RBFOX1: variants seen among roughly 807,000 people sequenced by gnomAD.
The protein encoded by RBFOX1 is RNA binding protein fox-1 homolog 1.
Under a neutral mutation model 57.7 loss-of-function variants are expected in RBFOX1, and 8 were observed. The observed-to-expected ratio is 0.14, with a 90% CI of 0.08 to 0.25. The LOEUF (loss-of-function observed/expected upper bound fraction) is 0.25, where lower values mean the gene tolerates loss of function less well. RBFOX1 is among the 10% of genes least tolerant of loss of function. RBFOX1 has a pLI of 1.00. For synonymous variants in RBFOX1, 326 were observed against 222.4 expected (o/e 1.47, Z -4.15); for missense variants, 611 against 548.5 (o/e 1.11, Z -1.14).
intron 2 of RBFOX1, among the ~76,000 whole-genome samples, chr16:6,457,847 T>A (rs1330306912): frequency 2.6e-5 from 4 of 152,130 alleles, no homozygotes; most frequent in Non-Finnish European, 5.9e-5. Context: ...CGCCTTGGAA[T>A]AAAAAGTGGC....
At chr16:6,770,928 T>C (rs1405262697) in intron 3 of RBFOX1, among the ~76,000 whole-genome samples, 1 of 152,138 alleles carries the variant, frequency 6.6e-6, no homozygotes, top group East Asian at 1.9e-4. Context: ...TTACCTCTTA[T>C]TTGGAGGCCG....
At chr16:6,483,060 G>A (rs935402224) in intron 2 of RBFOX1, 8 of 879,626 alleles carry the variant, frequency 9.1e-6, no homozygotes, top group Non-Finnish European at 1.1e-5. Context: ...ACCGCAGCCA[G>A]CTCGGAGCTT....
chr16:7,539,760 C>T (rs2082422464), intron 5 of RBFOX1, among the ~76,000 whole-genome samples: 1 of 152,142 alleles, frequency 6.6e-6, no homozygotes, highest in Non-Finnish European at 1.5e-5. Context: ...TTCTGCCCTC[C>T]CCAGTGAACT....
intron 2 of RBFOX1, among the ~76,000 whole-genome samples, chr16:6,340,308 G>C (rs2084370360): frequency 6.6e-6 from 1 of 152,092 alleles, no homozygotes; most frequent in South Asian, 2.1e-4. Context: ...ACCTAAATTA[G>C]TTACTGGTGT....
chr16:6,631,152 G>T (rs147547701), intron 2 of RBFOX1, among the ~76,000 whole-genome samples: 2 of 152,192 alleles, frequency 1.3e-5, no homozygotes, highest in African/African-American at 4.8e-5. Context: ...AATTTAGAAG[G>T]TCAAAGGCAG....
chr16:6,681,365 T>G (rs1474371050), intron 3 of RBFOX1, among the ~76,000 whole-genome samples: 2 of 152,218 alleles, frequency 1.3e-5, no homozygotes, highest in African/African-American at 4.8e-5. Flanking sequence ...GTTAAGTCTT[T>G]GCTACCTTGG....
intron 1 of RBFOX1, among the ~76,000 whole-genome samples, chr16:6,252,785 C>G (rs750884007): frequency 6.6e-6 from 1 of 152,112 alleles, no homozygotes; most frequent in Non-Finnish European, 1.5e-5. Flanking sequence ...TTAAATTCTG[C>G]GTAGGGAATT....
At chr16:7,485,780 C>T (rs1734332735) in intron 4 of RBFOX1, among the ~76,000 whole-genome samples, 1 of 152,178 alleles carries the variant, frequency 6.6e-6, no homozygotes, top group Non-Finnish European at 1.5e-5. Flanking sequence ...TATTACATCC[C>T]TTGACTATCT....
intron 2 of RBFOX1, among the ~76,000 whole-genome samples, chr16:6,506,797 C>G (rs575046001): frequency 3.4e-4 from 52 of 152,118 alleles, no homozygotes; most frequent in African/African-American, 9.6e-4. Flanking sequence ...CAGGCACCAA[C>G]CACCATGCCT....
At chr16:5,443,296 G>A (rs1053792423) in intron 1 of RBFOX1, among the ~76,000 whole-genome samples, 2 of 152,096 alleles carry the variant, frequency 1.3e-5, no homozygotes, top group African/African-American at 4.8e-5. Context: ...AAATCATCGG[G>A]CAGGGATGTC....
intron 4 of RBFOX1, chr16:7,333,205 T>C: frequency 1.1e-6 from 1 of 899,590 alleles, no homozygotes. Flanking sequence ...CCTCGCGTAG[T>C]CAGTGAGAAG....
rs571637134 is a variant in RBFOX1, at chr16:6,192,429, G to A, written c.-126-124566G>A. Among the ~76,000 whole-genome samples the A allele has an allele frequency of 2.0e-5, 3 of 151,934 alleles. No homozygotes were observed. The South Asian group carries it at 6.3e-4, about 32-fold the overall frequency. Reference sequence around the variant, plus strand: ...GTCTCTTCTTACTGTCTTTATTTGAGCCCCTCTACCTCCCTCATTTCTTCT... The same window carrying A: ...GTCTCTTCTTACTGTCTTTATTTGAACCCCTCTACCTCCCTCATTTCTTCT... On this transcript the variant is annotated intron_variant, in intron 1 of 15. Coordinates refer to ENST00000550418, the MANE Select transcript of RBFOX1 (RefSeq NM_018723.4).
intron 3 of RBFOX1, among the ~76,000 whole-genome samples, chr16:6,896,045 G>T (rs550674058): frequency 6.6e-6 from 1 of 152,162 alleles, no homozygotes; most frequent in Non-Finnish European, 1.5e-5. Flanking sequence ...GGCCGAGGTG[G>T]GCAGATCATC....
At chr16:5,812,313 C>G (rs1056370836) in intron 3 of RBFOX1, among the ~76,000 whole-genome samples, 1 of 152,160 alleles carries the variant, frequency 6.6e-6, no homozygotes, top group Non-Finnish European at 1.5e-5. Context: ...AGTAGAAAGG[C>G]TGGATCATTT....
chr16:5,933,169 C>T (rs2059100850), intron 4 of RBFOX1, among the ~76,000 whole-genome samples: 1 of 152,172 alleles, frequency 6.6e-6, no homozygotes, highest in Admixed American at 6.5e-5. Flanking sequence ...AAATAATTTC[C>T]TTAGCACGTT....
chr16:5,604,737 T>C (rs2047505094), downstream of RBFOX1, among the ~76,000 whole-genome samples: 1 of 152,178 alleles, frequency 6.6e-6, no homozygotes, highest in Non-Finnish European at 1.5e-5. Context: ...GGGCCAAGTG[T>C]GCTGCTATTT....
rs550727201 is a variant in RBFOX1 at position 5,872,089 on chromosome 16, G to A, written c.351+4754G>A. On this transcript the variant is annotated intron_variant, in intron 4 of 19. Coordinates refer to the RBFOX1 transcript ENST00000641259. ...TCGTTCTCAGGAAAATAAATTGGGG[G>A]TTGCAGAGCCCATTAAAAATATTCT... 1.1e-3 allele frequency among the ~76,000 whole-genome samples: 166 copies of A among 152,252 alleles called. 1 individual carries two copies. Among genetic ancestry groups the A allele is most frequent in the Middle Eastern group, 6.8e-3 (2 of 294 alleles).
At chr16:5,688,288 CA>C (rs1379460937) in intron 3 of RBFOX1, among the ~76,000 whole-genome samples, 1 of 152,098 alleles carries the variant, frequency 6.6e-6, no homozygotes, top group African/African-American at 2.4e-5. Context: ...TTTTGTTAGT[CA>C]GAAATGATCC....
In RBFOX1 at chr16:6,963,558, G is replaced by C. The variant is rs374436420; in HGVS notation, c.-15-88499G>C. Among the ~76,000 whole-genome samples the C allele has an allele frequency of 2.8e-4, 43 of 152,212 alleles. 1 individual carries two copies. The South Asian group carries it at 7.9e-3, about 28-fold the overall frequency. On this transcript the variant is annotated intron_variant, in intron 3 of 15. Transcript: ENST00000550418. ...ACTTGCAATGTAAAATGTACATTTTGGCTGTGTTCTGTAGGATTTCAACTA... is the reference window on the plus strand; with the variant it reads ...ACTTGCAATGTAAAATGTACATTTTCGCTGTGTTCTGTAGGATTTCAACTA...
Sources: gnomAD v4.1 joint callset for allele counts (sites outside exome capture counted in the v4.1 genomes callset) on GRCh38, gnomAD v4.1.1 for gene constraint, MANE v1.5 for transcripts, NCBI Gene and HGNC (gene_info 2026-07-23, HGNC 2026-07-21) for gene names.